Variants in DCAF7 observed in about 807,000 individuals in gnomAD.
The protein encoded by DCAF7 is DDB1- and CUL4-associated factor 7.
A neutral mutation model predicts 41.2 loss-of-function variants in DCAF7; 4 were observed. The ratio of observed to expected loss-of-function variants is 0.10; its 90% CI spans 0.05 to 0.22. The LOEUF (loss-of-function observed/expected upper bound fraction) is 0.22. Among genes scored for constraint, DCAF7 ranks in the 10% least tolerant of loss-of-function variants. The pLI, the probability that DCAF7 is intolerant of heterozygous loss-of-function variation, is 1.00. For synonymous variants in DCAF7, 143 were observed against 164.2 expected (o/e 0.87, Z 0.99); for missense variants, 131 against 443.2 (o/e 0.30, Z 6.32).
chr17:63,591,068 A>C lies in DCAF7; in HGVS notation c.*1896A>C, dbSNP rs574714543. On this transcript the variant is annotated 3_prime_UTR_variant, in exon 7 of 7. Transcript: ENST00000614556. ...TTTGCACTGCATCGTTTGGAGATAC[A>C]AAGCGAGCAGTTCTTGGTCAGAACC... The C allele has an allele frequency of 1.3e-5, 2 of 152,344 alleles. No individual in the cohort carries two copies. Among genetic ancestry groups the C allele is most frequent in the East Asian group, 3.9e-4 (2 of 5,182 alleles). The allele number at this position is 152,344 out of a possible 1,614,324, so 9.4% of individuals were successfully genotyped here.
At chr17:63,553,263 T>C (rs568284951) in intron 1 of DCAF7, among the ~76,000 whole-genome samples, 40 of 152,210 alleles carry the variant, frequency 2.6e-4, no homozygotes, top group Non-Finnish European at 4.6e-4. Context: ...TTAACAACTG[T>C]GCTGTGGTGG....
intron 1 of DCAF7, among the ~76,000 whole-genome samples, chr17:63,555,551 A>G (rs2033301785): frequency 2.0e-5 from 3 of 152,154 alleles, no homozygotes; most frequent in Admixed American, 6.5e-5. Flanking sequence ...TCATTTGCTC[A>G]TTAATTTAGC....
intron 1 of DCAF7, among the ~76,000 whole-genome samples, chr17:63,575,618 G>A (rs982162685): frequency 6.6e-6 from 1 of 152,154 alleles, no homozygotes; most frequent in African/African-American, 2.4e-5. Context: ...AACATGGGAG[G>A]CAGAGGTTGC....
chr17:63,576,837 C>T (rs2033567603), intron 1 of DCAF7, among the ~76,000 whole-genome samples: 1 of 152,190 alleles, frequency 6.6e-6, no homozygotes, highest in Non-Finnish European at 1.5e-5. Flanking sequence ...TTGCTTAAGC[C>T]CAGGAGGTTG....
At chr17:63,568,052 G>A (rs556473933) in intron 1 of DCAF7, among the ~76,000 whole-genome samples, 43 of 146,636 alleles carry the variant, frequency 2.9e-4, no homozygotes, top group Non-Finnish European at 3.5e-4. Flanking sequence ...ATGGAGTCTC[G>A]CTCTGTTGCC....
At position 63,560,829 on chromosome 17, in the gene DCAF7, T is replaced by G. The variant is rs79051262; in HGVS notation, c.138+10014T>G. 7.4e-3 allele frequency among the ~76,000 whole-genome samples: 1,120 copies of G among 152,356 alleles called. 14 individuals carry two copies. The highest frequency in any genetic ancestry group is 0.025 in the African/African-American group (1,041 of 41,564). ...AATGAATGAAGAAGCACTAGGCATATAGTAGCAAGAAGCAGTTCTTTTTAT... is the reference window on the plus strand; with the variant it reads ...AATGAATGAAGAAGCACTAGGCATAGAGTAGCAAGAAGCAGTTCTTTTTAT... On this transcript the variant is annotated intron_variant, in intron 1 of 6. Coordinates refer to ENST00000614556, the MANE Select transcript of DCAF7 (RefSeq NM_005828.5).
At chr17:63,582,041 G>A (rs1003291216) in intron 4 of DCAF7, among the ~76,000 whole-genome samples, 1 of 152,116 alleles carries the variant, frequency 6.6e-6, no homozygotes, top group East Asian at 1.9e-4. Context: ...GTCCCTGAGG[G>A]TTACCAGGAG....
In DCAF7 at chr17:63,559,349, G is replaced by GTA. The variant is rs1429106574; in HGVS notation, c.138+8542_138+8543dup. On this transcript the variant is annotated intron_variant, in intron 1 of 6. Coordinates refer to ENST00000614556, the MANE Select transcript of DCAF7 (RefSeq NM_005828.5). ...TATATATATACATACATATATATAC[G>GTA]TATATATATGTATGTATATATATAT... Among the ~76,000 whole-genome samples, 8 of 100,242 alleles carry GTA rather than the reference G, an allele frequency of 8.0e-5. 1 individual carries two copies. The highest frequency in any genetic ancestry group is 1.8e-4 in the African/African-American group (4 of 22,836). The allele number at this position is 100,242 out of a possible 152,430, so 65.8% of individuals were successfully genotyped here. A position where few individuals can be genotyped will look rare whatever the true frequency, so the allele number is the denominator to read the frequency against.
At chr17:63,575,991 C>CA (rs2033557799) in intron 1 of DCAF7, among the ~76,000 whole-genome samples, 1 of 152,176 alleles carries the variant, frequency 6.6e-6, no homozygotes, top group African/African-American at 2.4e-5. Flanking sequence ...TGCCTACTAG[C>CA]AGACAGATAG....
chr17:63,558,802 CTGAT>C (rs768801856), intron 1 of DCAF7, among the ~76,000 whole-genome samples: 2 of 152,168 alleles, frequency 1.3e-5, no homozygotes. Context: ...ACCAGGCAAA[CTGAT>C]TGTTTCTACA....
At chr17:63,577,473 C>T (rs947109480) in intron 1 of DCAF7, among the ~76,000 whole-genome samples, 1 of 152,150 alleles carries the variant, frequency 6.6e-6, no homozygotes, top group Non-Finnish European at 1.5e-5. Context: ...CCCATTGAGC[C>T]AGATTGAGTT....
intron 4 of DCAF7, among the ~76,000 whole-genome samples, chr17:63,582,465 C>T (rs897240658): frequency 6.6e-6 from 1 of 151,388 alleles, no homozygotes; most frequent in South Asian, 2.1e-4. Flanking sequence ...CGTCCCTCTT[C>T]GTCCTCTTTT....
chr17:63,553,383 A>G (rs1473036546), intron 1 of DCAF7, among the ~76,000 whole-genome samples: 1 of 152,228 alleles, frequency 6.6e-6, no homozygotes, highest in South Asian at 2.1e-4. Flanking sequence ...GGTTAATGGA[A>G]ATATGGGGAT....
At chr17:63,576,587 G>A (rs1225420356) in intron 1 of DCAF7, among the ~76,000 whole-genome samples, 1 of 151,964 alleles carries the variant, frequency 6.6e-6, no homozygotes, top group East Asian at 1.9e-4. Context: ...AAAATATTTG[G>A]GACCTGGGAT....
intron 6 of DCAF7, among the ~76,000 whole-genome samples, chr17:63,586,807 G>A (rs1365759912): frequency 6.6e-6 from 1 of 151,672 alleles, no homozygotes; most frequent in African/African-American, 2.4e-5. Context: ...CACTTTTATT[G>A]TAGAAATAAT....
intron 3 of DCAF7, 57 bp downstream of exon 3, chr17:63,579,505 A>C (rs2033596468): frequency 7.6e-7 from 1 of 1,314,222 alleles, no homozygotes; most frequent in Non-Finnish European, 1.1e-6. Context: ...AAATTTTCTC[A>C]GATGTCACAC....
intron 3 of DCAF7, 101 bp from the exon 4 acceptor site, chr17:63,579,724 G>T (rs1020581416): frequency 3.5e-5 from 35 of 1,014,194 alleles, no homozygotes; most frequent in Non-Finnish European, 4.1e-5. Flanking sequence ...TAGTCTTTAT[G>T]GTATGCTGCT....
chr17:63,571,313 T>G (rs2033504447), intron 1 of DCAF7, among the ~76,000 whole-genome samples: 1 of 152,296 alleles, frequency 6.6e-6, no homozygotes, highest in South Asian at 2.1e-4. Context: ...AGTAGTTATA[T>G]CAAACCAAAT....
intron 1 of DCAF7, among the ~76,000 whole-genome samples, chr17:63,559,397 A>ACG (rs2033351707): frequency 1.3e-5 from 1 of 76,422 alleles, no homozygotes; most frequent in African/African-American, 5.9e-5. Context: ...GTATATATAT[A>ACG]TGTATATATA....
Sources: allele counts gnomAD v4.1 joint callset (sites outside exome capture counted in the v4.1 genomes callset), GRCh38; gene constraint gnomAD v4.1.1; transcripts MANE v1.5; gene names NCBI Gene and HGNC (gene_info 2026-07-23, HGNC 2026-07-21).